BICDL1: variants seen among roughly 807,000 people sequenced by gnomAD.
BICDL1 encodes the protein BICD family like cargo adaptor 1, also known as BICD family-like cargo adapter 1.
Under a neutral mutation model 76.8 loss-of-function variants are expected in BICDL1, and 20 were observed. That is an observed-to-expected ratio of 0.26 (90% CI 0.18 to 0.38). The LOEUF (loss-of-function observed/expected upper bound fraction) is 0.38, where lower values mean the gene tolerates loss of function less well. BICDL1 is among the 10% of genes least tolerant of loss of function. The probability of loss-of-function intolerance (pLI) is 1.00; values close to 1 mark genes in which losing one functional copy is unlikely to be tolerated. For missense variants in BICDL1, 700 were observed against 798.6 expected (o/e 0.88, Z 1.49); for synonymous variants, 383 against 337.1 (o/e 1.14, Z -1.49).
chr12:120,088,152 G>C (rs1029102090), intron 8 of BICDL1, among the ~76,000 whole-genome samples: 4 of 151,980 alleles, frequency 2.6e-5, no homozygotes, highest in African/African-American at 9.7e-5. Flanking sequence ...GGCTGGTCTC[G>C]AACTCCCAAC....
Position 120,064,802 on chromosome 12 carries a change from C to G in BICDL1, c.832C>G (p.Leu278Val). 1.2e-6 allele frequency: 2 copies of G among 1,613,832 alleles called. No individual in the cohort carries two copies. Among genetic ancestry groups the G allele is most frequent in the Non-Finnish European group, 1.7e-6 (2 of 1,179,878 alleles). ...RLSATLEENDLLQGTVEELQD... is the reference protein window; with the variant it reads ...RLSATLEENDVLQGTVEELQD... ...CAGCGCTACTTTAGAGGAAAATGAC[C>G]TGCTCCAAGGGACCGTGGAGGAGCT... Residue 278 changes from leucine (L) to valine (V), a missense_variant, in exon 4 of 10, where the codon CTG becomes GTG. Leu to Val is a conservative substitution (Grantham distance 32, BLOSUM62 1). This residue lies in a region of BICDL1 where 455 missense variants were observed against 548.7 expected (regional missense o/e 0.83). Transcript: ENST00000548673.
At chr12:120,057,766 A>G (rs1294250675) in intron 2 of BICDL1, among the ~76,000 whole-genome samples, 1 of 137,468 alleles carries the variant, frequency 7.3e-6, no homozygotes, top group Non-Finnish European at 1.5e-5. Flanking sequence ...TGCAGTACAC[A>G]CCCTTGGAGC....
intron 6 of BICDL1, among the ~76,000 whole-genome samples, chr12:120,073,779 T>C (rs1019247154): frequency 1.3e-5 from 2 of 152,236 alleles, no homozygotes; most frequent in African/African-American, 4.8e-5. Flanking sequence ...TATTATACTA[T>C]GAGGCCAGGT....
chr12:120,084,185 G>T (rs1338907653), intron 8 of BICDL1, among the ~76,000 whole-genome samples: 1 of 151,936 alleles, frequency 6.6e-6, no homozygotes, highest in African/African-American at 2.4e-5. Flanking sequence ...TGTATTTTTA[G>T]TAGAGACAGG....
chr12:120,009,852 A>G (rs925425675), intron 2 of BICDL1, among the ~76,000 whole-genome samples: 1 of 152,250 alleles, frequency 6.6e-6, no homozygotes, highest in Non-Finnish European at 1.5e-5. Context: ...ATGTTTTGAC[A>G]CAGATAGCAT....
At chr12:120,076,393 G>A (rs540634645) in intron 7 of BICDL1, among the ~76,000 whole-genome samples, 130 of 152,258 alleles carry the variant, frequency 8.5e-4, no homozygotes, top group Non-Finnish European at 1.3e-3. Flanking sequence ...TTTCCATAGG[G>A]TGCTTCTGTT....
chr12:120,026,195 C>G (rs932245531), intron 2 of BICDL1, among the ~76,000 whole-genome samples: 9 of 152,074 alleles, frequency 5.9e-5, no homozygotes, highest in Non-Finnish European at 1.3e-4. Context: ...TCGACAAGTG[C>G]AGTTCATCAA....
intron 2 of BICDL1, among the ~76,000 whole-genome samples, chr12:120,050,532 G>A (rs1403851597): frequency 3.9e-5 from 6 of 152,134 alleles, no homozygotes; most frequent in African/African-American, 1.4e-4. Flanking sequence ...CTCCCAAAGT[G>A]CTGGGATTAC....
At chr12:120,072,133 C>G (rs7310074) in intron 5 of BICDL1, among the ~76,000 whole-genome samples, 2,088 of 152,328 alleles carry the variant, frequency 0.014, 44 homozygotes, top group East Asian at 0.044. Context: ...TGACAGAGTT[C>G]CAGAGCAGTC....
chr12:120,083,932 C>T (rs1469827133), intron 8 of BICDL1, among the ~76,000 whole-genome samples: 3 of 152,104 alleles, frequency 2.0e-5, no homozygotes, highest in Non-Finnish European at 2.9e-5. Flanking sequence ...GGATTACAGG[C>T]GTGAGCCACT....
chr12:120,035,973 TTC>T (rs1952523213), intron 2 of BICDL1, among the ~76,000 whole-genome samples: 1 of 152,268 alleles, frequency 6.6e-6, no homozygotes, highest in African/African-American at 2.4e-5. Context: ...GTGAATTATT[TTC>T]TGTCTTCTTT....
intron 2 of BICDL1, among the ~76,000 whole-genome samples, chr12:120,043,683 G>T (rs1316050404): frequency 6.6e-6 from 1 of 152,184 alleles, no homozygotes; most frequent in Non-Finnish European, 1.5e-5. Context: ...TGGTGATCCT[G>T]GTGGAACCTT....
At chr12:120,063,532 C>CT (rs11447117) in intron 3 of BICDL1, among the ~76,000 whole-genome samples, 48,552 of 151,864 alleles carry the variant, frequency 0.32, 9,761 homozygotes, top group African/African-American at 0.56. Flanking sequence ...TCTCGTAGGA[C>CT]TGAAACAAGC....
chr12:120,088,585 G>C (rs1594222342), intron 8 of BICDL1, among the ~76,000 whole-genome samples: 1 of 151,100 alleles, frequency 6.6e-6, no homozygotes, highest in South Asian at 2.1e-4. Context: ...TCGAACTCCT[G>C]ACCTCAGGTG....
At chr12:120,009,186 C>T (rs887236686) in intron 2 of BICDL1, among the ~76,000 whole-genome samples, 47 of 152,032 alleles carry the variant, frequency 3.1e-4, no homozygotes, top group African/African-American at 1.1e-3. Context: ...TGGGGTTTCA[C>T]CATGTTGGCC....
chr12:120,034,310 A>C (rs1208480531), intron 2 of BICDL1, among the ~76,000 whole-genome samples: 2 of 152,236 alleles, frequency 1.3e-5, no homozygotes, highest in Non-Finnish European at 2.9e-5. Flanking sequence ...GGTTACTTGA[A>C]TGTAACTCAA....
chr12:119,997,017 C>T (rs954559290), intron 1 of BICDL1, among the ~76,000 whole-genome samples: 6 of 150,792 alleles, frequency 4.0e-5, no homozygotes, highest in African/African-American at 7.4e-5. Flanking sequence ...GGCGCGATCT[C>T]GGCTCACTGC....
chr12:120,031,259 A>G (rs1952417616), intron 2 of BICDL1, among the ~76,000 whole-genome samples: 1 of 144,336 alleles, frequency 6.9e-6, no homozygotes, highest in African/African-American at 2.6e-5. Flanking sequence ...GCTGGAGTGC[A>G]GTGGCACAAT....
intron 9 of BICDL1, among the ~76,000 whole-genome samples, chr12:120,090,355 A>T (rs1291585545): frequency 1.3e-5 from 2 of 152,204 alleles, no homozygotes; most frequent in Non-Finnish European, 2.9e-5. Context: ...CTGGGCTTTA[A>T]GCTGGAAAGA....
Sources: allele counts gnomAD v4.1 joint callset (sites outside exome capture counted in the v4.1 genomes callset), GRCh38; gene constraint gnomAD v4.1.1; regional missense constraint gnomAD v4.1.1; transcripts MANE v1.5; gene names NCBI Gene and HGNC (gene_info 2026-07-23, HGNC 2026-07-21).